Variants in PCNX1 observed in about 807,000 individuals in gnomAD.
The protein encoded by PCNX1 is pecanex 1, also known as pecanex-like protein 1.
A neutral mutation model predicts 242.2 loss-of-function variants in PCNX1; 78 were observed. The ratio of observed to expected loss-of-function variants is 0.32; its 90% CI spans 0.27 to 0.39. The LOEUF (loss-of-function observed/expected upper bound fraction) is 0.39, where lower values mean the gene tolerates loss of function less well. PCNX1 is among the 10% of genes least tolerant of loss of function. The probability of loss-of-function intolerance (pLI) is 1.00; values close to 1 mark genes in which losing one functional copy is unlikely to be tolerated. For synonymous variants in PCNX1, 1,024 were observed against 1,032.9 expected, an observed-to-expected ratio of 0.99 and a Z score of 0.17; for missense variants, 2,581 against 2,856.5, an observed-to-expected ratio of 0.90 and a Z score of 2.20.
intron 28 of PCNX1, among the ~76,000 whole-genome samples, chr14:71,078,002 C>T (rs531733670): frequency 6.6e-6 from 1 of 152,280 alleles, no homozygotes; most frequent in East Asian, 1.9e-4. Flanking sequence ...GAGATTATTG[C>T]TGAAGTCATG....
intron 1 of PCNX1, among the ~76,000 whole-genome samples, chr14:70,922,119 A>G (rs930147565): frequency 5.3e-5 from 8 of 152,192 alleles, no homozygotes; most frequent in African/African-American, 1.7e-4. Flanking sequence ...GATTCTGGCA[A>G]TAATGTACAC....
intron 19 of PCNX1, among the ~76,000 whole-genome samples, chr14:71,036,961 C>T (rs1028104156): frequency 6.6e-6 from 1 of 151,926 alleles, no homozygotes; most frequent in Non-Finnish European, 1.5e-5. Flanking sequence ...TCTTTTATTT[C>T]CTTGAGCAGC....
chr14:70,924,795 C>T (rs571492665), intron 1 of PCNX1, among the ~76,000 whole-genome samples: 1 of 152,124 alleles, frequency 6.6e-6, no homozygotes, highest in African/African-American at 2.4e-5. Context: ...TGCTATGTTG[C>T]CCAGGCTGGT....
chr14:70,960,555 A>G (rs1245429156), intron 2 of PCNX1, among the ~76,000 whole-genome samples: 1 of 150,230 alleles, frequency 6.7e-6, no homozygotes, highest in East Asian at 2.0e-4. Flanking sequence ...CCCACAGCCA[A>G]TATCATACTG....
intron 33 of PCNX1, 51 bp from the exon 34 acceptor site, chr14:71,108,553 T>G (rs750104761): frequency 5.0e-6 from 7 of 1,406,128 alleles, no homozygotes; most frequent in Non-Finnish European, 6.8e-6. Flanking sequence ...AACAGAAGTA[T>G]TGTGTCTGAG....
At chr14:71,098,159 C>T (rs2062349053) in intron 30 of PCNX1, among the ~76,000 whole-genome samples, 2 of 152,134 alleles carry the variant, frequency 1.3e-5, no homozygotes, top group Admixed American at 1.3e-4. Context: ...CTGTCTTTTA[C>T]CAGTACCGTG....
At chr14:70,988,760 C>T (rs1050777957) in intron 7 of PCNX1, 61 bp downstream of exon 7, 18 of 1,532,838 alleles carry the variant, frequency 1.2e-5, no homozygotes, top group Admixed American at 8.8e-5. Context: ...TAATCTGTTC[C>T]GCCAGTCCCA....
chr14:71,061,504 A>C (rs1183029578), intron 26 of PCNX1, among the ~76,000 whole-genome samples: 1 of 152,210 alleles, frequency 6.6e-6, no homozygotes, highest in East Asian at 1.9e-4. Flanking sequence ...TCTCTGATCC[A>C]ACCAATGGAT....
In PCNX1 at chr14:71,110,080, C is replaced by A; in HGVS notation, c.*145C>A. The stretch of plus-strand genomic sequence containing the variant: ...AAATAGAATGAGCTTGGTTAAGCAC[C>A]TCTCCTTTGCCCTTCACCCTGACTC... On this transcript the variant is annotated 3_prime_UTR_variant, in exon 36 of 36. Transcript: ENST00000304743. The A allele has an allele frequency of 1.3e-6, 1 of 753,632 alleles. No individual in the cohort carries two copies. Among genetic ancestry groups the A allele is most frequent in the South Asian group, 1.4e-5 (1 of 69,626 alleles). 46.7% of individuals were successfully genotyped at this position (753,632 alleles called of 1,614,324 possible).
chr14:71,036,507 C>T (rs938362896), intron 19 of PCNX1, among the ~76,000 whole-genome samples: 3 of 152,086 alleles, frequency 2.0e-5, no homozygotes, highest in African/African-American at 7.2e-5. Flanking sequence ...AAGTATTTGC[C>T]ATTGTGTTAC....
chr14:70,939,597 A>G (rs758526629), intron 1 of PCNX1, among the ~76,000 whole-genome samples: 2 of 152,206 alleles, frequency 1.3e-5, no homozygotes, highest in Non-Finnish European at 2.9e-5. Context: ...GCTGAGAAGA[A>G]TGTATATTCT....
intron 27 of PCNX1, among the ~76,000 whole-genome samples, chr14:71,074,658 A>C (rs746936143): frequency 6.6e-6 from 1 of 152,110 alleles, no homozygotes; most frequent in African/African-American, 2.4e-5. Context: ...GACCATCCAC[A>C]TGGCCAGCGT....
At chr14:70,970,874 G>A (rs1424459809) in intron 5 of PCNX1, among the ~76,000 whole-genome samples, 2 of 152,170 alleles carry the variant, frequency 1.3e-5, no homozygotes, top group African/African-American at 4.8e-5. Flanking sequence ...GACTTAGTTT[G>A]TCAACCCCTG....
At chr14:70,961,464 T>G (rs2058210935) in intron 2 of PCNX1, among the ~76,000 whole-genome samples, 2 of 152,242 alleles carry the variant, frequency 1.3e-5, no homozygotes, top group Admixed American at 6.5e-5. Context: ...GCTAGCCATA[T>G]GTAGAAAGCT....
At chr14:70,993,507 TTTTA>T (rs1436703568) in intron 7 of PCNX1, among the ~76,000 whole-genome samples, 2 of 151,070 alleles carry the variant, frequency 1.3e-5, no homozygotes, top group African/African-American at 5.0e-5. Flanking sequence ...TTCTGGCTAA[TTTTA>T]TTTATTTATT....
chr14:71,077,446 G>A (rs942182242), intron 28 of PCNX1, among the ~76,000 whole-genome samples: 6 of 152,146 alleles, frequency 3.9e-5, no homozygotes, highest in African/African-American at 1.4e-4. Context: ...GGTGCATACC[G>A]ACCATCTTCA....
At chr14:71,036,494 C>A (rs2060537376) in intron 19 of PCNX1, among the ~76,000 whole-genome samples, 1 of 152,110 alleles carries the variant, frequency 6.6e-6, no homozygotes, top group African/African-American at 2.4e-5. Context: ...TGTTTAGATA[C>A]ACAAGTATTT....
intron 8 of PCNX1, among the ~76,000 whole-genome samples, chr14:70,999,813 C>T (rs1161194535): frequency 1.3e-5 from 2 of 152,052 alleles, no homozygotes; most frequent in African/African-American, 4.8e-5. Flanking sequence ...CTCAGGTGAT[C>T]AACAGTACTT....
At position 71,108,664 on chromosome 14, in the gene PCNX1, C is replaced by A. The variant is rs1172896765; in HGVS notation, c.6362C>A (p.Ala2121Asp). Reference protein sequence around the residue: ...SGLVRQSPARASVASQSSYCY... With the variant: ...SGLVRQSPARDSVASQSSYCY... ...CTGGTCAGACAGTCTCCTGCCCGGGCCTCAGTAGCCAGCCAGTCTTCCTAC... is the reference window on the plus strand; with the variant it reads ...CTGGTCAGACAGTCTCCTGCCCGGGACTCAGTAGCCAGCCAGTCTTCCTAC... The change falls in exon 34 of 36, where the codon GCC becomes GAC. Residue 2121 changes from alanine (A) to aspartate (D), a missense_variant. Physicochemically the swap from Ala to Asp is moderately radical, Grantham distance 126. Around this residue, in one of 9 missense-constraint regions of PCNX1, gnomAD observed 432 missense variants for 433.6 expected, o/e 1.00. Coordinates refer to ENST00000304743, the MANE Select transcript of PCNX1 (RefSeq NM_014982.3). The A allele has an allele frequency of 6.2e-7, 1 of 1,614,210 alleles. No individual in the cohort carries two copies. The highest frequency in any genetic ancestry group is 8.5e-7 in the Non-Finnish European group (1 of 1,180,026).
Sources: gnomAD v4.1 joint callset for allele counts (sites outside exome capture counted in the v4.1 genomes callset) on GRCh38, gnomAD v4.1.1 for gene constraint, gnomAD v4.1.1 regional missense constraint, MANE v1.5 for transcripts, NCBI Gene and HGNC (gene_info 2026-07-23, HGNC 2026-07-21) for gene names.